Variants in CSMD1 observed in about 807,000 individuals in gnomAD.
CSMD1 encodes the protein CUB and Sushi multiple domains 1, also known as CUB and sushi domain-containing protein 1.
Under a neutral mutation model 417.5 loss-of-function variants are expected in CSMD1, and 213 were observed. That is an observed-to-expected ratio of 0.51 (90% CI 0.46 to 0.57). The LOEUF (loss-of-function observed/expected upper bound fraction) is 0.57. Among genes scored for constraint, CSMD1 ranks in the 20% least tolerant of loss-of-function variants. CSMD1 has a pLI of 0.00. For missense variants in CSMD1, 6,923 were observed against 4,529.7 expected, an observed-to-expected ratio of 1.53 and a Z score of -15.17; for synonymous variants, 2,862 against 1,736.8, an observed-to-expected ratio of 1.65 and a Z score of -16.11.
At chr8:3,191,023 T>C (rs973897888) in intron 33 of CSMD1, among the ~76,000 whole-genome samples, 2 of 152,188 alleles carry the variant, frequency 1.3e-5, no homozygotes, top group African/African-American at 4.8e-5. Flanking sequence ...TTACATAAAA[T>C]GAGTATGCCC....
chr8:3,051,923 C>A (rs1811846891), intron 50 of CSMD1, among the ~76,000 whole-genome samples: 1 of 152,134 alleles, frequency 6.6e-6, no homozygotes, highest in Non-Finnish European at 1.5e-5. Flanking sequence ...AAGATTATTA[C>A]TATAGACTGT....
chr8:4,673,459 T>C (rs1388426277), intron 1 of CSMD1, among the ~76,000 whole-genome samples: 1 of 152,150 alleles, frequency 6.6e-6, no homozygotes, highest in South Asian at 2.1e-4. Flanking sequence ...TTGATATCAT[T>C]GGCCACATTA....
intron 5 of CSMD1, 123 bp downstream of exon 5, chr8:3,997,779 CG>C: frequency 1.1e-5 from 9 of 829,074 alleles, no homozygotes; most frequent in Non-Finnish European, 1.7e-5. Flanking sequence ...AAGAGCAAGG[CG>C]AAAAAAGGAA....
chr8:3,418,257 G>T (rs899534637), intron 12 of CSMD1, among the ~76,000 whole-genome samples: 1 of 152,080 alleles, frequency 6.6e-6, no homozygotes, highest in African/African-American at 2.4e-5. Context: ...GGAAATTCGG[G>T]CTATAAGTAA....
intron 2 of CSMD1, among the ~76,000 whole-genome samples, chr8:4,453,755 A>G (rs1031580333): frequency 2.0e-5 from 3 of 146,878 alleles, no homozygotes; most frequent in Admixed American, 1.4e-4. Context: ...CCGGGTCCCC[A>G]TTTGAGCGAA....
chr8:3,056,376 T>C (rs1469807351), intron 49 of CSMD1, among the ~76,000 whole-genome samples: 1 of 152,192 alleles, frequency 6.6e-6, no homozygotes. Context: ...GTTTTTTTCT[T>C]TTTTTCTTTT....
chr8:3,160,433 C>G (rs974849379), intron 38 of CSMD1, among the ~76,000 whole-genome samples: 2 of 152,042 alleles, frequency 1.3e-5, no homozygotes. Flanking sequence ...TAGGATAATT[C>G]TTTCTGACAT....
At chr8:3,423,650 G>C (rs977095509) in intron 12 of CSMD1, among the ~76,000 whole-genome samples, 1 of 152,176 alleles carries the variant, frequency 6.6e-6, no homozygotes, top group East Asian at 1.9e-4. Context: ...ATGGGCATTT[G>C]GGTTGTTTCC....
intron 3 of CSMD1, among the ~76,000 whole-genome samples, chr8:4,180,823 AC>A (rs1798328330): frequency 6.6e-6 from 1 of 152,134 alleles, no homozygotes; most frequent in Non-Finnish European, 1.5e-5. Flanking sequence ...AATCCAACCA[AC>A]CAAAATAACA....
At chr8:4,398,485 T>C (rs534343835) in intron 3 of CSMD1, among the ~76,000 whole-genome samples, 27 of 143,248 alleles carry the variant, frequency 1.9e-4, no homozygotes, top group East Asian at 6.7e-4. Flanking sequence ...CCTCCTCTCC[T>C]GGGTTCACGC....
intron 3 of CSMD1, among the ~76,000 whole-genome samples, chr8:4,290,451 G>A (rs1235127888): frequency 2.0e-5 from 3 of 152,046 alleles, no homozygotes. Context: ...CTGTTCTATG[G>A]GCAATTTTAA....
chr8:4,862,584 C>A (rs897015118), intron 1 of CSMD1, among the ~76,000 whole-genome samples: 1 of 151,836 alleles, frequency 6.6e-6, no homozygotes, highest in Non-Finnish European at 1.5e-5. Flanking sequence ...GATGTTAGAA[C>A]CATTAAAATA....
chr8:4,051,531 G>C (rs1798423294), intron 3 of CSMD1, among the ~76,000 whole-genome samples: 1 of 152,214 alleles, frequency 6.6e-6, no homozygotes, highest in Non-Finnish European at 1.5e-5. Context: ...ATGCAACTTC[G>C]AATCAGCAGA....
At chr8:3,221,164 G>A (rs1398507831) in intron 28 of CSMD1, among the ~76,000 whole-genome samples, 1 of 152,300 alleles carries the variant, frequency 6.6e-6, no homozygotes, top group South Asian at 2.1e-4. Context: ...AACAGAGAAC[G>A]TGGTACCGCC....
intron 52 of CSMD1, among the ~76,000 whole-genome samples, chr8:3,006,654 G>T (rs377212778): frequency 3.3e-5 from 5 of 149,622 alleles, no homozygotes; most frequent in Admixed American, 3.3e-4. Flanking sequence ...ACAAACCTGA[G>T]AAAAACAAGC....
chr8:3,281,185 G>A (rs1802708706), intron 26 of CSMD1, among the ~76,000 whole-genome samples: 1 of 152,180 alleles, frequency 6.6e-6, no homozygotes, highest in Non-Finnish European at 1.5e-5. Context: ...GCTCACGCCT[G>A]TAATCCCAGC....
intron 57 of CSMD1, among the ~76,000 whole-genome samples, chr8:2,967,034 A>T (rs1432201764): frequency 2.6e-5 from 4 of 152,232 alleles, no homozygotes; most frequent in African/African-American, 9.6e-5. Context: ...AGGCCCTGTT[A>T]TTCAGGGACT....
At chr8:4,074,388 G>C (rs942170307) in intron 3 of CSMD1, among the ~76,000 whole-genome samples, 1 of 152,026 alleles carries the variant, frequency 6.6e-6, no homozygotes. Context: ...TATTTTCAAT[G>C]TCTATCTCAT....
intron 23 of CSMD1, among the ~76,000 whole-genome samples, chr8:3,325,357 A>G (rs1319538838): frequency 6.6e-6 from 1 of 152,240 alleles, no homozygotes; most frequent in East Asian, 1.9e-4. Flanking sequence ...ATTTTATAGC[A>G]TTTGATGATA....
Sources: gnomAD v4.1 joint callset for allele counts (sites outside exome capture counted in the v4.1 genomes callset) on GRCh38, gnomAD v4.1.1 for gene constraint, MANE v1.5 for transcripts, NCBI Gene and HGNC (gene_info 2026-07-23, HGNC 2026-07-21) for gene names.